The following RBSN variants were observed in gnomAD, a reference collection of about 807,000 sequenced individuals.
RBSN encodes the protein rabenosyn, RAB effector.
RBSN carries 34 observed loss-of-function variants against 60.5 expected under a neutral mutation model. The ratio of observed to expected loss-of-function variants is 0.56; its 90% CI spans 0.43 to 0.75. RBSN has a LOEUF of 0.75. Ranked by LOEUF, RBSN falls within the 30% of genes least tolerant of loss-of-function variation. RBSN has a pLI of 0.00. For missense variants in RBSN, 845 were observed against 986.8 expected (o/e 0.86, Z 1.92); for synonymous variants, 322 against 366.9 (o/e 0.88, Z 1.40).
intron 12 of RBSN, among the ~76,000 whole-genome samples, chr3:15,075,982 T>A (rs2043043747): frequency 6.6e-6 from 1 of 152,036 alleles, no homozygotes; most frequent in African/African-American, 2.4e-5. Flanking sequence ...TCCCTGCCCA[T>A]CCTATTAACT....
intron 4 of RBSN, among the ~76,000 whole-genome samples, chr3:15,094,313 C>T (rs2043594755): frequency 6.6e-6 from 1 of 152,180 alleles, no homozygotes. Context: ...GTTTTTGCTT[C>T]ATTTCCCCCA....
At chr3:15,085,736 G>T (rs950732472) in intron 6 of RBSN, 125 bp downstream of exon 6, 11 of 784,150 alleles carry the variant, frequency 1.4e-5, no homozygotes, top group Non-Finnish European at 2.2e-5. Context: ...CCTCTCTAGA[G>T]AAGGTGTTTC....
chr3:15,096,204 C>A lies in RBSN; in HGVS notation c.-84G>T, dbSNP rs552541578. ...TCCTCCCAAGGAACCATGGTTCCCG[C>A]AGCATTAGCTTAAGCAGCACACAGA... On this transcript the variant is annotated 5_prime_UTR_variant, in exon 4 of 14. Coordinates refer to ENST00000253699, the MANE Select transcript of RBSN (RefSeq NM_022340.4). 12 of 1,438,458 alleles carry A rather than the reference C, an allele frequency of 8.3e-6. 1 individual carries two copies. In the South Asian group the frequency reaches 1.7e-4, roughly 21 times the overall value. The allele number at this position is 1,438,458 out of a possible 1,614,324, so 89.1% of individuals were successfully genotyped here. A position where few individuals can be genotyped will look rare whatever the true frequency, so the allele number is the denominator to read the frequency against.
Position 15,096,248 on chromosome 3 carries a change from A to G in RBSN, c.-128T>C, listed in dbSNP as rs911059445. Reference sequence around the variant, plus strand: ...ACACAGATGGTGAGGAAGTGGCTTCATGGCCCTGGATGAGGTTTCCTCTCT... The same window carrying G: ...ACACAGATGGTGAGGAAGTGGCTTCGTGGCCCTGGATGAGGTTTCCTCTCT... On this transcript the variant is annotated 5_prime_UTR_variant, in exon 4 of 14. The change abolishes an upstream ATG in the 5' untranslated region. Coordinates refer to ENST00000253699, the MANE Select transcript of RBSN (RefSeq NM_022340.4). The G allele has an allele frequency of 1.5e-5, 15 of 996,788 alleles. No individual in the cohort carries two copies. Among genetic ancestry groups the G allele is most frequent in the Non-Finnish European group, 2.1e-5 (15 of 731,222 alleles). The allele number at this position is 996,788 out of a possible 1,614,324, so 61.7% of individuals were successfully genotyped here.
In RBSN at chr3:15,090,455, T is replaced by C. The variant is rs755851525; in HGVS notation, c.233A>G (p.Tyr78Cys). ...AACCCCTCCATAGCTGAAAGACTCATATCCTTGGGTCCCTGACTCTGCTCG... is the reference window on the plus strand; with the variant it reads ...AACCCCTCCATAGCTGAAAGACTCACATCCTTGGGTCCCTGACTCTGCTCG... ...DDRAESGTQG[Y>C]ESFSYGGVDP... The change falls in exon 5 of 14, where the codon TAT becomes TGT. Residue 78 changes from tyrosine (Y) to cysteine (C), a missense_variant. Tyr to Cys is a radical substitution (Grantham distance 194). Transcript: ENST00000253699. The C allele has an allele frequency of 3.7e-6, 6 of 1,614,114 alleles. No individual in the cohort carries two copies. In the African/African-American group the frequency reaches 8.0e-5, roughly 22 times the overall value.
At chr3:15,095,176 G>A (rs938059026) in intron 4 of RBSN, among the ~76,000 whole-genome samples, 2 of 151,876 alleles carry the variant, frequency 1.3e-5, no homozygotes, top group African/African-American at 2.4e-5. Flanking sequence ...CATCACGCCC[G>A]GCTAGTTGTT....
intron 4 of RBSN, among the ~76,000 whole-genome samples, chr3:15,092,397 T>TTTTG (rs527580247): frequency 6.6e-6 from 1 of 151,934 alleles, no homozygotes; most frequent in African/African-American, 2.4e-5. Context: ...AGTGGGTTTT[T>TTTTG]TTTGTTTGTT....
chr3:15,086,798 T>G (rs1184720809), intron 5 of RBSN, among the ~76,000 whole-genome samples: 1 of 152,174 alleles, frequency 6.6e-6, no homozygotes, highest in East Asian at 1.9e-4. Flanking sequence ...TTGTGGGAGA[T>G]AGTTAAGCTG....
At chr3:15,078,234 A>G (rs1443569061) in intron 10 of RBSN, 73 bp from the exon 11 acceptor site, 1 of 1,356,420 alleles carries the variant, frequency 7.4e-7, no homozygotes, top group Non-Finnish European at 1.1e-6. Flanking sequence ...GAAGGACGCT[A>G]AAGGTGTAAG....
intron 5 of RBSN, among the ~76,000 whole-genome samples, chr3:15,088,579 A>C (rs992206178): frequency 6.6e-6 from 1 of 151,990 alleles, no homozygotes; most frequent in Non-Finnish European, 1.5e-5. Context: ...ACGGGGTTTC[A>C]CCATATTGGC....
In RBSN at chr3:15,093,367, T is replaced by C. The variant is rs571955869; in HGVS notation, c.148+2606A>G. On this transcript the variant is annotated intron_variant, in intron 4 of 13. Transcript: ENST00000253699. ...TCATTAATAGTACTAGAGGTAGAGA[T>C]GTCGGGGGTAAGGCAGGGTGGGAAA... Among the ~76,000 whole-genome samples, 10 of 152,290 alleles carry C rather than the reference T, an allele frequency of 6.6e-5. No individual in the cohort carries two copies. In the East Asian group the frequency reaches 9.6e-4, roughly 15 times the overall value.
At chr3:15,090,355 A>T in intron 5 of RBSN, 44 bp downstream of exon 5, 1 of 1,604,760 alleles carries the variant, frequency 6.2e-7, no homozygotes, top group East Asian at 2.2e-5. Flanking sequence ...AACATAGCAG[A>T]TGCTCAATAA....
chr3:15,082,290 G>A lies in RBSN; in HGVS notation c.840+77C>T. On this transcript the variant is annotated intron_variant, in intron 9 of 13. Transcript: ENST00000253699. The surrounding 1 kb of genome is among the most constrained non-coding windows in gnomAD (Gnocchi z 4.2). ...GAACAACTTCCCAAAGCATTCTCCA[G>A]AATCTGCAGGAGTGTACATAACAAA... is the stretch of plus-strand genomic sequence containing the variant. 2.6e-6 allele frequency: 4 copies of A among 1,540,426 alleles called. No homozygotes were observed. Among genetic ancestry groups the A allele is most frequent in the Non-Finnish European group, 2.7e-6 (3 of 1,129,792 alleles).
rs985736561 is a variant in RBSN at position 15,096,203 on chromosome 3, G to A, written c.-83C>T. ...TTCCTCCCAAGGAACCATGGTTCCC[G>A]CAGCATTAGCTTAAGCAGCACACAG... On this transcript the variant is annotated 5_prime_UTR_variant, in exon 4 of 14. Coordinates refer to ENST00000253699, the MANE Select transcript of RBSN (RefSeq NM_022340.4). 59 of 1,434,170 alleles carry A rather than the reference G, an allele frequency of 4.1e-5. No individual in the cohort carries two copies. The highest frequency in any genetic ancestry group is 5.2e-5 in the Non-Finnish European group (56 of 1,078,312). The allele number at this position is 1,434,170 out of a possible 1,614,324, so 88.8% of individuals were successfully genotyped here.
At chr3:15,097,057 G>C (rs1305383471) in intron 2 of RBSN, among the ~76,000 whole-genome samples, 1 of 151,974 alleles carries the variant, frequency 6.6e-6, no homozygotes, top group East Asian at 1.9e-4. Context: ...ACAGGTTCTT[G>C]CTATGTTTCC....
chr3:15,096,149 C>T lies in RBSN; in HGVS notation c.-29G>A. ...AGTGCCGCTCTCAACCCTAGGAAGG[C>T]AGGAATCTCATGCCAAGAGTCAGCT... is the stretch of plus-strand genomic sequence containing the variant. On this transcript the variant is annotated 5_prime_UTR_variant, in exon 4 of 14. Coordinates refer to ENST00000253699, the MANE Select transcript of RBSN (RefSeq NM_022340.4). 1 of 1,529,614 alleles carries T rather than the reference C, an allele frequency of 6.5e-7. No individual in the cohort carries two copies. Among genetic ancestry groups the T allele is most frequent in the Non-Finnish European group, 8.8e-7 (1 of 1,142,230 alleles). 94.8% of individuals were successfully genotyped at this position (1,529,614 alleles called of 1,614,324 possible).
At chr3:15,097,464 G>A (rs1441947510) in intron 2 of RBSN, among the ~76,000 whole-genome samples, 6 of 152,264 alleles carry the variant, frequency 3.9e-5, no homozygotes, top group South Asian at 2.1e-4. Context: ...GCAGTGAGCC[G>A]AGATCATGCC....
At position 15,082,598 on chromosome 3, in the gene RBSN, G is replaced by T. The variant is rs2043233703; in HGVS notation, c.609C>A (p.Thr203=). The change falls in exon 9 of 14, where the codon ACC becomes ACA. Residue 203 remains threonine, a synonymous_variant. Transcript: ENST00000253699. The surrounding 1 kb of genome is among the most constrained non-coding windows in gnomAD (Gnocchi z 4.2). ...TGCTCAGGGACTCCTTGCTGGCACTGGTGAGCTTGTCTGTAACCACAACAC... is the reference window on the plus strand; with the variant it reads ...TGCTCAGGGACTCCTTGCTGGCACTTGTGAGCTTGTCTGTAACCACAACAC... The part of the protein sequence containing the change: ...LISLPLANKL[T]SASKESLSTH... 6.2e-7 allele frequency: 1 copy of T among 1,613,996 alleles called. No homozygotes were observed. Among genetic ancestry groups the T allele is most frequent in the East Asian group, 2.2e-5 (1 of 44,862 alleles).
chr3:15,096,252 C>G lies in RBSN; in HGVS notation c.-132G>C. On this transcript the variant is annotated 5_prime_UTR_variant, in exon 4 of 14. Coordinates refer to ENST00000253699, the MANE Select transcript of RBSN (RefSeq NM_022340.4). ...AGATGGTGAGGAAGTGGCTTCATGG[C>G]CCTGGATGAGGTTTCCTCTCTGGAG... 1 of 998,562 alleles carries G rather than the reference C, an allele frequency of 1.0e-6. No individual in the cohort carries two copies. Among genetic ancestry groups the G allele is most frequent in the Non-Finnish European group, 1.4e-6 (1 of 734,432 alleles). 61.9% of individuals were successfully genotyped at this position (998,562 alleles called of 1,614,324 possible). A position where few individuals can be genotyped will look rare whatever the true frequency, so the allele number is the denominator to read the frequency against.
Sources: allele counts gnomAD v4.1 joint callset (sites outside exome capture counted in the v4.1 genomes callset), GRCh38; gene constraint gnomAD v4.1.1; non-coding constraint Gnocchi (gnomAD v3.1); transcripts MANE v1.5; gene names NCBI Gene and HGNC (gene_info 2026-07-23, HGNC 2026-07-21).